SPESP1: variants seen among roughly 807,000 people sequenced by gnomAD.
The protein encoded by SPESP1 is sperm equatorial segment protein 1, also known as equatorial segment protein.
A neutral mutation model predicts 3.1 loss-of-function variants in SPESP1; 1 was observed. The ratio of observed to expected loss-of-function variants is 0.33; its 90% CI spans 0.12 to 1.54. SPESP1 has a LOEUF of 1.54. SPESP1 is among the 40% of genes most tolerant of loss of function. The pLI, the probability that SPESP1 is intolerant of heterozygous loss-of-function variation, is 0.38. For synonymous variants in SPESP1, 138 were observed against 150.7 expected (o/e 0.92, Z 0.62); for missense variants, 398 against 410.1 (o/e 0.97, Z 0.26).
intron 1 of SPESP1, among the ~76,000 whole-genome samples, chr15:68,937,524 C>T (rs1895713514): frequency 1.3e-5 from 2 of 151,848 alleles, no homozygotes; most frequent in South Asian, 4.2e-4. Flanking sequence ...AAACAGGATC[C>T]ATGTGTAGAA....
At position 68,945,888 on chromosome 15, in the gene SPESP1, T is replaced by G. The variant is rs750873395; in HGVS notation, c.354T>G (p.Ser118Arg). The change falls in exon 2 of 2, where the codon AGT becomes AGG. Residue 118 changes from serine (S) to arginine (R), a missense_variant. Ser to Arg is a moderately radical substitution (Grantham distance 110). Transcript: ENST00000310673. ...TAGGAAAGAAAAAACACACGGAAAG[T>G]ACCCCATTCTGGTCGATCAAACCAA... The part of the protein sequence containing the change: ...PEIGKKKHTE[S>R]TPFWSIKPNN... 5 of 1,614,112 alleles carry G rather than the reference T, an allele frequency of 3.1e-6. No homozygotes were observed. In the East Asian group the frequency reaches 1.1e-4, roughly 36 times the overall value.
At chr15:68,940,747 C>A (rs1471817464) in intron 1 of SPESP1, among the ~76,000 whole-genome samples, 2 of 146,154 alleles carry the variant, frequency 1.4e-5, no homozygotes, top group Admixed American at 1.4e-4. Context: ...CTACTGGATT[C>A]AGATTTGACT....
At chr15:68,934,059 A>G (rs886673913) in intron 1 of SPESP1, among the ~76,000 whole-genome samples, 4 of 152,038 alleles carry the variant, frequency 2.6e-5, no homozygotes, top group Non-Finnish European at 5.9e-5. Context: ...TTAATTTTTA[A>G]ATGATTCAAA....
chr15:68,933,409 A>G (rs956582657), intron 1 of SPESP1, among the ~76,000 whole-genome samples: 3 of 152,192 alleles, frequency 2.0e-5, no homozygotes, highest in African/African-American at 4.8e-5. Context: ...ATTTTTATAC[A>G]TTCAGTTTCC....
intron 1 of SPESP1, among the ~76,000 whole-genome samples, chr15:68,943,456 C>G (rs1488981169): frequency 6.6e-6 from 1 of 152,148 alleles, no homozygotes; most frequent in East Asian, 1.9e-4. Flanking sequence ...CCACTAACCA[C>G]ATTGGCTCAC....
chr15:68,930,996 A>G (rs1191509829), intron 1 of SPESP1, among the ~76,000 whole-genome samples: 1 of 152,020 alleles, frequency 6.6e-6, no homozygotes, highest in African/African-American at 2.4e-5. Context: ...TCCTCTGCCC[A>G]CCCGATCCTT....
chr15:68,944,534 C>T (rs1361759261), intron 1 of SPESP1, among the ~76,000 whole-genome samples: 5 of 151,636 alleles, frequency 3.3e-5, no homozygotes, highest in Admixed American at 6.6e-5. Context: ...ATTTTTGATC[C>T]GGGGGCAGGT....
chr15:68,937,292 A>G (rs1486223703), intron 1 of SPESP1, among the ~76,000 whole-genome samples: 1 of 152,196 alleles, frequency 6.6e-6, no homozygotes, highest in Non-Finnish European at 1.5e-5. Context: ...GGCACTGGGT[A>G]AAACAGAGTA....
intron 1 of SPESP1, among the ~76,000 whole-genome samples, chr15:68,932,266 C>T (rs940819619): frequency 1.3e-5 from 2 of 152,182 alleles, no homozygotes; most frequent in Non-Finnish European, 2.9e-5. Context: ...ACTGAAGTGA[C>T]TTTAACACTG....
At chr15:68,932,769 C>T (rs1242852790) in intron 1 of SPESP1, among the ~76,000 whole-genome samples, 3 of 152,022 alleles carry the variant, frequency 2.0e-5, no homozygotes, top group Admixed American at 6.6e-5. Flanking sequence ...AATGAAAAGA[C>T]GCTTCCCAGA....
rs752647024 is a variant in SPESP1, at chr15:68,930,700, C to T, written c.47C>T (p.Ser16Phe). ...LLVALLLWPS[S>F]VPAYPSITVT... ...GTTGCGCTTTTGCTATGGCCTTCGTCTGTGCCGGCTTATCCGAGTGAGTGA... is the reference window on the plus strand; with the variant it reads ...GTTGCGCTTTTGCTATGGCCTTCGTTTGTGCCGGCTTATCCGAGTGAGTGA... Residue 16 changes from serine (S) to phenylalanine (F), a missense_variant, in exon 1 of 2, where the codon TCT becomes TTT. By Grantham distance (155) the Ser-to-Phe change is radical (BLOSUM62 -2). Coordinates refer to ENST00000310673, the MANE Select transcript of SPESP1 (RefSeq NM_145658.4). The T allele has an allele frequency of 1.9e-6, 3 of 1,614,032 alleles. No homozygotes were observed. The South Asian group carries it at 3.3e-5, about 18-fold the overall frequency.
intron 1 of SPESP1, among the ~76,000 whole-genome samples, chr15:68,938,215 A>G (rs1394213672): frequency 6.6e-6 from 1 of 152,204 alleles, no homozygotes; most frequent in Non-Finnish European, 1.5e-5. Context: ...TCCTGACCTT[A>G]GTTGACCCAC....
intron 1 of SPESP1, among the ~76,000 whole-genome samples, chr15:68,935,460 C>T (rs1316604811): frequency 6.6e-6 from 1 of 152,222 alleles, no homozygotes; most frequent in East Asian, 1.9e-4. Flanking sequence ...CATGACTTCT[C>T]ATCTTTCAGT....
chr15:68,945,239 C>G (rs1194401965), intron 1 of SPESP1, among the ~76,000 whole-genome samples: 1 of 152,112 alleles, frequency 6.6e-6, no homozygotes, highest in African/African-American at 2.4e-5. Flanking sequence ...TCTAGTCAAC[C>G]AGTATAAGCC....
Position 68,946,114 on chromosome 15 carries a change from A to G in SPESP1, c.580A>G (p.Thr194Ala). Residue 194 changes from threonine to alanine, a missense_variant, in exon 2 of 2, where the codon ACA (threonine) becomes GCA (alanine). Coordinates refer to ENST00000310673, the MANE Select transcript of SPESP1 (RefSeq NM_145658.4). ...TAAGAGCACTGGCATTGGGATCTCT[A>G]CAGAATCAGAAGATGTTCCTCAGCT... ...LDKSTGIGIS[T>A]ESEDVPQLSG... 6 of 1,614,200 alleles carry G rather than the reference A, an allele frequency of 3.7e-6. No individual in the cohort carries two copies. The highest frequency in any genetic ancestry group is 5.1e-6 in the Non-Finnish European group (6 of 1,180,014).
Position 68,935,360 on chromosome 15 carries a change from A to G in SPESP1, c.64+4643A>G, listed in dbSNP as rs542153882. On this transcript the variant is annotated intron_variant, in intron 1 of 1. Coordinates refer to ENST00000310673, the MANE Select transcript of SPESP1 (RefSeq NM_145658.4). ...GCTGGGCAGCTCTGCTTCATATGGTATAGCTGAGGTCACTCATGCAGCTGC... is the reference window on the plus strand; with the variant it reads ...GCTGGGCAGCTCTGCTTCATATGGTGTAGCTGAGGTCACTCATGCAGCTGC... Among the ~76,000 whole-genome samples the G allele has an allele frequency of 5.3e-5, 8 of 152,338 alleles. No individual in the cohort carries two copies. The East Asian group carries it at 1.5e-3, about 29-fold the overall frequency.
intron 1 of SPESP1, among the ~76,000 whole-genome samples, chr15:68,932,635 A>G (rs1032361734): frequency 3.3e-5 from 5 of 152,050 alleles, no homozygotes; most frequent in African/African-American, 1.2e-4. Context: ...CAAATGATCC[A>G]TCCGCCTCGG....
Position 68,946,106 on chromosome 15 carries a change from G to A in SPESP1, c.572G>A (p.Gly191Glu), listed in dbSNP as rs3743093. ...VTTLDKSTGIGISTESEDVPQ... is the reference protein window; with the variant it reads ...VTTLDKSTGIEISTESEDVPQ... ...ACTTTAGATAAGAGCACTGGCATTG[G>A]GATCTCTACAGAATCAGAAGATGTT... Residue 191 changes from glycine to glutamate, a missense_variant, in exon 2 of 2, where the codon GGG becomes GAG. By Grantham distance (98) the Gly-to-Glu change is moderately conservative. Coordinates refer to ENST00000310673, the MANE Select transcript of SPESP1 (RefSeq NM_145658.4). 0.58 allele frequency: 939,628 copies of A among 1,613,776 alleles called. 276,493 individuals are homozygous for A. The highest frequency in any genetic ancestry group is 0.61 in the Non-Finnish European group (714,774 of 1,179,866).
Position 68,946,730 on chromosome 15 carries a change from C to T in SPESP1, c.*143C>T. The T allele has an allele frequency of 9.4e-7, 1 of 1,064,098 alleles. No homozygotes were observed. Among genetic ancestry groups the T allele is most frequent in the Non-Finnish European group, 1.2e-6 (1 of 818,642 alleles). The allele number at this position is 1,064,098 out of a possible 1,614,324, so 65.9% of individuals were successfully genotyped here. A position where few individuals can be genotyped will look rare whatever the true frequency, so the allele number is the denominator to read the frequency against. On this transcript the variant is annotated 3_prime_UTR_variant, in exon 2 of 2. Coordinates refer to ENST00000310673, the MANE Select transcript of SPESP1 (RefSeq NM_145658.4). ...TATTTTCTATTGTAGTTCAAATGTG[C>T]CAACATCTTTATGTGTCATGTGTTA...
Sources: allele counts gnomAD v4.1 joint callset (sites outside exome capture counted in the v4.1 genomes callset), GRCh38; gene constraint gnomAD v4.1.1; transcripts MANE v1.5; gene names NCBI Gene and HGNC (gene_info 2026-07-23, HGNC 2026-07-21).